ITSN2: variants seen among roughly 807,000 people sequenced by gnomAD.
The protein encoded by ITSN2 is intersectin-2.
Under a neutral mutation model 243.7 loss-of-function variants are expected in ITSN2, and 156 were observed. The observed-to-expected ratio is 0.64, with a 90% CI of 0.56 to 0.73. The LOEUF is 0.73. Among genes scored for constraint, ITSN2 ranks in the 30% least tolerant of loss-of-function variants. The pLI, the probability that ITSN2 is intolerant of heterozygous loss-of-function variation, is 0.00. For synonymous variants in ITSN2, 703 were observed against 699.9 expected (o/e 1.00, Z -0.07); for missense variants, 1,801 against 1,996.1 (o/e 0.90, Z 1.86).
intron 17 of ITSN2, 116 bp from the exon 18 acceptor site, chr2:24,275,965 T>G: frequency 1.4e-6 from 1 of 710,790 alleles, no homozygotes; most frequent in Non-Finnish European, 2.1e-6. Context: ...GAACTAAATT[T>G]AAAATATTTA....
chr2:24,281,910 T>C (rs1678831313), intron 17 of ITSN2, among the ~76,000 whole-genome samples: 1 of 152,192 alleles, frequency 6.6e-6, no homozygotes, highest in African/African-American at 2.4e-5. Context: ...TTATATCATG[T>C]CCTCCTCTAC....
At chr2:24,335,515 G>T (rs1275732632) in intron 1 of ITSN2, among the ~76,000 whole-genome samples, 1 of 152,052 alleles carries the variant, frequency 6.6e-6, no homozygotes, top group Non-Finnish European at 1.5e-5. Context: ...AAATTTTTTT[G>T]TAGAGATGCG....
At chr2:24,327,494 T>C (rs1685285228) in intron 2 of ITSN2, among the ~76,000 whole-genome samples, 1 of 152,076 alleles carries the variant, frequency 6.6e-6, no homozygotes, top group African/African-American at 2.4e-5. Flanking sequence ...AGATTGGGTT[T>C]CACCATGTTG....
chr2:24,251,325 T>TTAAAAAAAAAA (rs1309605801), intron 25 of ITSN2, among the ~76,000 whole-genome samples: 2 of 3,400 alleles, frequency 5.9e-4, no homozygotes, highest in African/African-American at 1.7e-3. Context: ...AAAAAAAAAA[T>TTAAAAAAAAAA]AAAATATATA....
intron 5 of ITSN2, among the ~76,000 whole-genome samples, chr2:24,311,949 G>C (rs1467021685): frequency 7.9e-5 from 12 of 152,022 alleles, no homozygotes; most frequent in Non-Finnish European, 1.8e-4. Context: ...AATTCATCAC[G>C]CAACTAGGAG....
In ITSN2 at chr2:24,204,027, G is replaced by C. The variant is rs1573828708; in HGVS notation, c.4936+218C>G. The C allele has an allele frequency of 3.2e-6, 2 of 629,574 alleles. No homozygotes were observed. Among genetic ancestry groups the C allele is most frequent in the African/African-American group, 1.8e-5 (1 of 54,432 alleles). The allele number at this position is 629,574 out of a possible 1,614,324, so 39.0% of individuals were successfully genotyped here. ...GCTCCAGGAGTGGTGTTCACGTCGT[G>C]TGTGTAGGGAGTGATGGGTCAAAGA... On this transcript the variant is annotated intron_variant, in intron 39 of 39. Coordinates refer to ENST00000355123, the MANE Select transcript of ITSN2 (RefSeq NM_006277.3). This position sits in a 1 kb window ranked among gnomAD's most constrained non-coding sequence, Gnocchi z 5.1.
chr2:24,331,758 T>A (rs1285889038), intron 1 of ITSN2, among the ~76,000 whole-genome samples: 1 of 152,232 alleles, frequency 6.6e-6, no homozygotes, highest in Non-Finnish European at 1.5e-5. Flanking sequence ...ACGGCACCTG[T>A]CAAAAGAGCA....
At chr2:24,299,025 TC>T (rs373779462) in intron 12 of ITSN2, among the ~76,000 whole-genome samples, 3 of 144,636 alleles carry the variant, frequency 2.1e-5, no homozygotes, top group Admixed American at 6.8e-5. Context: ...CTTCACGAGA[TC>T]TTTTTTTTTT....
intron 29 of ITSN2, among the ~76,000 whole-genome samples, chr2:24,229,270 C>G (rs1671344083): frequency 6.6e-6 from 1 of 152,114 alleles, no homozygotes; most frequent in Non-Finnish European, 1.5e-5. Flanking sequence ...AACACACATA[C>G]AAGAGACTAT....
chr2:24,279,294 C>T (rs1294539739), intron 17 of ITSN2, among the ~76,000 whole-genome samples: 1 of 152,136 alleles, frequency 6.6e-6, no homozygotes, highest in Non-Finnish European at 1.5e-5. Flanking sequence ...TGAAGGAAAC[C>T]ACAATTCTAC....
intron 1 of ITSN2, among the ~76,000 whole-genome samples, chr2:24,359,068 A>G (rs1688714514): frequency 6.6e-6 from 1 of 152,272 alleles, no homozygotes; most frequent in Non-Finnish European, 1.5e-5. Context: ...TGAAATTACA[A>G]GAGAGTCACA....
At chr2:24,360,882 G>T (rs1425030126), upstream of ITSN2, among the ~76,000 whole-genome samples, 1 of 152,224 alleles carries the variant, frequency 6.6e-6, no homozygotes, top group African/African-American at 2.4e-5. Flanking sequence ...AGCAGTGCCT[G>T]CCACATCCCT....
chr2:24,283,917 A>G (rs992932046), intron 17 of ITSN2, among the ~76,000 whole-genome samples: 1 of 152,216 alleles, frequency 6.6e-6, no homozygotes, highest in Non-Finnish European at 1.5e-5. Context: ...CTGGCCATTC[A>G]TGCCATAACC....
At chr2:24,305,687 A>G (rs1682443920) in intron 8 of ITSN2, among the ~76,000 whole-genome samples, 1 of 151,992 alleles carries the variant, frequency 6.6e-6, no homozygotes, top group Admixed American at 6.6e-5. Flanking sequence ...GCTCATGCTC[A>G]GCTTAAGGAC....
intron 29 of ITSN2, among the ~76,000 whole-genome samples, chr2:24,245,491 T>C (rs1055745294): frequency 2.6e-5 from 4 of 151,922 alleles, no homozygotes; most frequent in South Asian, 2.1e-4. Context: ...TTTTTTTTTT[T>C]CTCTTGAGAC....
At chr2:24,260,664 T>C (rs1199721374) in intron 22 of ITSN2, among the ~76,000 whole-genome samples, 1 of 152,046 alleles carries the variant, frequency 6.6e-6, no homozygotes, top group Non-Finnish European at 1.5e-5. Flanking sequence ...TCCCAACATT[T>C]TGGGACGCCA....
At chr2:24,358,940 T>C (rs2151965027) in intron 1 of ITSN2, among the ~76,000 whole-genome samples, 1 of 152,332 alleles carries the variant, frequency 6.6e-6, no homozygotes, top group African/African-American at 2.4e-5. Flanking sequence ...TATCAATGCA[T>C]GGAAGGGTGA....
At chr2:24,228,165 A>T (rs1464199136) in intron 29 of ITSN2, among the ~76,000 whole-genome samples, 1 of 152,246 alleles carries the variant, frequency 6.6e-6, no homozygotes, top group East Asian at 1.9e-4. Flanking sequence ...GTCAGAAAGA[A>T]AAATCAGAAT....
At chr2:24,235,654 CTT>C (rs1346288757) in intron 29 of ITSN2, among the ~76,000 whole-genome samples, 1 of 152,102 alleles carries the variant, frequency 6.6e-6, no homozygotes, top group East Asian at 1.9e-4. Context: ...AAAATGAAGT[CTT>C]TTAAAAAAGT....
Sources: gnomAD v4.1 joint callset for allele counts (sites outside exome capture counted in the v4.1 genomes callset) on GRCh38, gnomAD v4.1.1 for gene constraint, Gnocchi (gnomAD v3.1) non-coding constraint, MANE v1.5 for transcripts, NCBI Gene and HGNC (gene_info 2026-07-23, HGNC 2026-07-21) for gene names.